Variants in KHDRBS2 observed in about 807,000 individuals in gnomAD.
KHDRBS2 encodes KH domain-containing, RNA-binding, signal transduction-associated protein 2.
A neutral mutation model predicts 44.3 loss-of-function variants in KHDRBS2; 26 were observed. The ratio of observed to expected loss-of-function variants is 0.59; its 90% CI spans 0.43 to 0.81. KHDRBS2 has a LOEUF of 0.81. Ranked by LOEUF, KHDRBS2 falls within the 40% of genes least tolerant of loss-of-function variation. KHDRBS2 has a pLI of 0.00. For synonymous variants in KHDRBS2, 194 were observed against 151.1 expected (o/e 1.28, Z -2.08); for missense variants, 476 against 433.1 (o/e 1.10, Z -0.88).
chr6:61,875,699 G>A (rs1308782667), intron 6 of KHDRBS2, among the ~76,000 whole-genome samples: 1 of 151,962 alleles, frequency 6.6e-6, no homozygotes, highest in Non-Finnish European at 1.5e-5. Context: ...CCTTCTAACA[G>A]GCACCAAATA....
At chr6:62,279,399 AAAC>A (rs963342042) in intron 1 of KHDRBS2, among the ~76,000 whole-genome samples, 5 of 152,230 alleles carry the variant, frequency 3.3e-5, no homozygotes, top group African/African-American at 7.2e-5. Context: ...GATATCTTCT[AAAC>A]ACATGGTAGG....
At position 61,707,579 on chromosome 6, in the gene KHDRBS2, T is replaced by C. The variant is rs1311738403; in HGVS notation, c.894-10326A>G. Among the ~76,000 whole-genome samples, 7 of 151,792 alleles carry C rather than the reference T, an allele frequency of 4.6e-5. 1 individual carries two copies. Among genetic ancestry groups the C allele is most frequent in the Admixed American group, 4.6e-4 (7 of 15,184 alleles). On this transcript the variant is annotated intron_variant, in intron 7 of 8. Coordinates refer to ENST00000281156, the MANE Select transcript of KHDRBS2 (RefSeq NM_152688.4). The stretch of plus-strand genomic sequence containing the variant: ...AAAATTACAGTGATTTGGGAAAACA[T>C]TAGTTTATTTGAAAGTAACCACATT...
rs1397284531 is a variant in KHDRBS2, at chr6:62,199,482, C to T, written c.92-22170G>A. Among the ~76,000 whole-genome samples the T allele has an allele frequency of 2.0e-5, 3 of 152,112 alleles. No homozygotes were observed. In the South Asian group the frequency reaches 6.2e-4, roughly 31 times the overall value. ...CAAATTATGAGTGAACTCCCATTCA[C>T]AATTACTTCAAAGAGAATAAAATAC... is the stretch of plus-strand genomic sequence containing the variant. On this transcript the variant is annotated intron_variant, in intron 1 of 8. Coordinates refer to ENST00000281156, the MANE Select transcript of KHDRBS2 (RefSeq NM_152688.4).
intron 6 of KHDRBS2, among the ~76,000 whole-genome samples, chr6:61,886,854 A>G (rs1801027438): frequency 6.6e-6 from 1 of 152,156 alleles, no homozygotes; most frequent in African/African-American, 2.4e-5. Context: ...TTTCTCTTTA[A>G]CTACAGTTTT....
At chr6:61,593,667 G>A in the KHDRBS2 span, among the ~76,000 whole-genome samples, 9 of 22,910 alleles carry the variant, frequency 3.9e-4, no homozygotes, top group African/African-American at 8.3e-4. Flanking sequence ...TTAGCTTTAC[G>A]GAACTTTTTC....
intron 3 of KHDRBS2, among the ~76,000 whole-genome samples, chr6:62,040,079 G>T (rs1385379013): frequency 6.6e-6 from 1 of 152,006 alleles, no homozygotes; most frequent in Non-Finnish European, 1.5e-5. Flanking sequence ...AGAAATGTTT[G>T]AATTGCCTCT....
intron 3 of KHDRBS2, among the ~76,000 whole-genome samples, chr6:61,985,420 G>T (rs1052541068): frequency 1.1e-4 from 16 of 152,144 alleles, no homozygotes; most frequent in African/African-American, 3.4e-4. Flanking sequence ...TTGACCAGAA[G>T]TTAAAAGCTG....
chr6:62,058,484 T>C (rs1562746595), intron 2 of KHDRBS2, among the ~76,000 whole-genome samples: 1 of 151,900 alleles, frequency 6.6e-6, no homozygotes, highest in Non-Finnish European at 1.5e-5. Flanking sequence ...CATTAAATCA[T>C]ACTTTAGTGC....
the KHDRBS2 span, among the ~76,000 whole-genome samples, chr6:61,554,215 GTCT>G: frequency 6.6e-6 from 1 of 152,036 alleles, no homozygotes; most frequent in African/African-American, 2.4e-5. Context: ...GGATAGTTAG[GTCT>G]TCTTGTTGAA....
chr6:61,737,612 C>A (rs753924609), intron 6 of KHDRBS2, among the ~76,000 whole-genome samples: 24 of 152,052 alleles, frequency 1.6e-4, no homozygotes, highest in African/African-American at 5.3e-4. Flanking sequence ...CTAATGCCAG[C>A]ACTAAGGAAG....
Position 62,224,407 on chromosome 6 carries a change from G to GGT in KHDRBS2, c.92-47097_92-47096dup, listed in dbSNP as rs368449080. ...GGGACACAGCCAAACCATATCAGTG[G>GGT]GTGTGTGTGTGTGTAAAGTGTAGGT... On this transcript the variant is annotated intron_variant, in intron 1 of 8. Transcript: ENST00000281156. 2.5e-4 allele frequency among the ~76,000 whole-genome samples: 38 copies of GGT among 151,738 alleles called. 1 individual carries two copies. The East Asian group carries it at 4.3e-3, about 17-fold the overall frequency.
At chr6:62,029,838 T>C (rs115650367) in intron 3 of KHDRBS2, among the ~76,000 whole-genome samples, 7,081 of 152,038 alleles carry the variant, frequency 0.047, 211 homozygotes, top group African/African-American at 0.073. Flanking sequence ...AAAATTCTAT[T>C]AATATTATAT....
chr6:61,600,026 C>A, the KHDRBS2 span, among the ~76,000 whole-genome samples: 1 of 152,180 alleles, frequency 6.6e-6, no homozygotes, highest in Non-Finnish European at 1.5e-5. Context: ...AATTACATGA[C>A]AGTTGGTACA....
At chr6:62,020,145 C>T (rs1781985987) in intron 3 of KHDRBS2, among the ~76,000 whole-genome samples, 1 of 151,842 alleles carries the variant, frequency 6.6e-6, no homozygotes, top group Non-Finnish European at 1.5e-5. Flanking sequence ...AAAATAATGC[C>T]TATAGTCCTT....
chr6:61,572,167 A>G, the KHDRBS2 span, among the ~76,000 whole-genome samples: 2 of 152,132 alleles, frequency 1.3e-5, no homozygotes, highest in African/African-American at 4.8e-5. Flanking sequence ...ATACAAACGG[A>G]TTGTCCAAGG....
At chr6:61,672,503 A>T in the KHDRBS2 span, among the ~76,000 whole-genome samples, 6 of 152,054 alleles carry the variant, frequency 3.9e-5, no homozygotes, top group South Asian at 2.1e-4. Flanking sequence ...CCTCTCCAGC[A>T]CCTGTAGTTT....
the KHDRBS2 span, among the ~76,000 whole-genome samples, chr6:61,618,086 T>C: frequency 6.6e-6 from 1 of 152,182 alleles, no homozygotes; most frequent in South Asian, 2.1e-4. Context: ...TAATAAGCAA[T>C]GTTTTTGTTG....
chr6:61,917,737 G>A (rs548285615), intron 4 of KHDRBS2, among the ~76,000 whole-genome samples: 2 of 151,886 alleles, frequency 1.3e-5, no homozygotes, highest in Non-Finnish European at 2.9e-5. Context: ...AGGGAAAAGG[G>A]GTATGTAAGA....
intron 6 of KHDRBS2, among the ~76,000 whole-genome samples, chr6:61,850,297 C>G (rs1405208389): frequency 6.6e-6 from 1 of 152,018 alleles, no homozygotes; most frequent in Non-Finnish European, 1.5e-5. Context: ...TATCATTTAA[C>G]AAACTCCTTT....
Sources: allele counts gnomAD v4.1 joint callset (sites outside exome capture counted in the v4.1 genomes callset), GRCh38; gene constraint gnomAD v4.1.1; transcripts MANE v1.5; gene names NCBI Gene and HGNC (gene_info 2026-07-23, HGNC 2026-07-21).